SWAP70: variants seen among roughly 807,000 people sequenced by gnomAD.
SWAP70 encodes the protein switch-associated protein 70.
In SWAP70, 34 loss-of-function variants were observed where a neutral mutation model predicts 80.2. The observed-to-expected ratio is 0.42, with a 90% CI of 0.32 to 0.56. The LOEUF is 0.56. SWAP70 is among the 20% of genes least tolerant of loss of function. The pLI, the probability that SWAP70 is intolerant of heterozygous loss-of-function variation, is 0.09. For synonymous variants in SWAP70, 239 were observed against 238.5 expected (o/e 1.00, Z -0.02); for missense variants, 578 against 690.7 (o/e 0.84, Z 1.83).
At chr11:9,687,732 C>G (rs974695591) in intron 1 of SWAP70, among the ~76,000 whole-genome samples, 2 of 152,178 alleles carry the variant, frequency 1.3e-5, no homozygotes, top group African/African-American at 4.8e-5. Context: ...GTGTTCTGCT[C>G]TTACTGAATC....
At chr11:9,725,563 ATATAT>A (rs1851208601) in intron 4 of SWAP70, among the ~76,000 whole-genome samples, 1 of 16,832 alleles carries the variant, frequency 5.9e-5, no homozygotes, top group African/African-American at 2.9e-4. Flanking sequence ...ATATATATAT[ATATAT>A]ATTTTTTTTT....
At chr11:9,678,007 G>A (rs778720970) in intron 1 of SWAP70, among the ~76,000 whole-genome samples, 15 of 152,138 alleles carry the variant, frequency 9.9e-5, no homozygotes, top group Non-Finnish European at 1.8e-4. Context: ...AGTTACAAAG[G>A]TAATTCAGCC....
intron 4 of SWAP70, among the ~76,000 whole-genome samples, chr11:9,727,604 A>G (rs452169): frequency 0.33 from 49,731 of 151,854 alleles, 8,371 homozygotes; most frequent in Non-Finnish European, 0.35. Flanking sequence ...AGTATAATGA[A>G]CTCCCACATA....
chr11:9,732,963 CA>C (rs1387346933), intron 7 of SWAP70, among the ~76,000 whole-genome samples: 2 of 152,054 alleles, frequency 1.3e-5, no homozygotes, highest in Non-Finnish European at 1.5e-5. Flanking sequence ...TAATAATGAG[CA>C]CAGTTGAATT....
intron 2 of SWAP70, among the ~76,000 whole-genome samples, chr11:9,707,599 A>C (rs1464301134): frequency 2.1e-5 from 3 of 140,000 alleles, no homozygotes; most frequent in Non-Finnish European, 3.0e-5. Context: ...CCTGTCGCTC[A>C]GGCTGGAGTG....
chr11:9,672,607 C>G (rs532378890), intron 1 of SWAP70, among the ~76,000 whole-genome samples: 27 of 140,696 alleles, frequency 1.9e-4, no homozygotes, highest in African/African-American at 7.1e-4. Context: ...CTCCTGGGCT[C>G]AAGCAGTCCA....
At chr11:9,717,832 G>C (rs1246273806) in intron 3 of SWAP70, among the ~76,000 whole-genome samples, 2 of 141,156 alleles carry the variant, frequency 1.4e-5, no homozygotes, top group East Asian at 3.9e-4. Flanking sequence ...ACCTTGTCCT[G>C]ATTTCAGAAT....
intron 1 of SWAP70, among the ~76,000 whole-genome samples, chr11:9,666,677 A>G (rs565757282): frequency 3.6e-4 from 54 of 152,062 alleles, no homozygotes; most frequent in Middle Eastern, 3.4e-3. Context: ...TTAAGAGGAG[A>G]AGAAAATTTT....
intron 1 of SWAP70, among the ~76,000 whole-genome samples, chr11:9,692,738 T>C (rs2134446327): frequency 6.6e-6 from 1 of 152,306 alleles, no homozygotes; most frequent in African/African-American, 2.4e-5. Context: ...ACTAGGCTAA[T>C]ATAAATTAAA....
chr11:9,712,773 T>C (rs1851015201), intron 2 of SWAP70, among the ~76,000 whole-genome samples: 1 of 151,368 alleles, frequency 6.6e-6, no homozygotes, highest in Non-Finnish European at 1.5e-5. Context: ...AGTTTCGCTC[T>C]TGTTGCCCAG....
intron 2 of SWAP70, among the ~76,000 whole-genome samples, chr11:9,709,088 C>T (rs1274127103): frequency 6.6e-6 from 1 of 151,500 alleles, no homozygotes; most frequent in Non-Finnish European, 1.5e-5. Flanking sequence ...AAATGTTTTT[C>T]TTTAAAGACA....
chr11:9,700,736 G>A (rs1175028766), intron 2 of SWAP70, among the ~76,000 whole-genome samples: 1 of 152,124 alleles, frequency 6.6e-6, no homozygotes, highest in African/African-American at 2.4e-5. Context: ...TTTTTCCAAT[G>A]TCTCATATTT....
chr11:9,671,922 A>T (rs1419326601), intron 1 of SWAP70, among the ~76,000 whole-genome samples: 1 of 110,110 alleles, frequency 9.1e-6, no homozygotes, highest in Non-Finnish European at 1.6e-5. Context: ...TAATTATAAT[A>T]TAATTATATT....
At chr11:9,676,914 A>G (rs1372657432) in intron 1 of SWAP70, among the ~76,000 whole-genome samples, 2 of 152,018 alleles carry the variant, frequency 1.3e-5, no homozygotes, top group African/African-American at 4.8e-5. Flanking sequence ...CGGCCTCCCA[A>G]AGTGCTGGGA....
At chr11:9,705,342 T>C (rs1247436389) in intron 2 of SWAP70, among the ~76,000 whole-genome samples, 1 of 148,144 alleles carries the variant, frequency 6.8e-6, no homozygotes, top group Non-Finnish European at 1.5e-5. Context: ...TGGTGATCTG[T>C]ATACACTGGT....
chr11:9,725,570 T>TATATATATATATATA (rs1491328428), intron 4 of SWAP70, among the ~76,000 whole-genome samples: 6 of 13,798 alleles, frequency 4.3e-4, no homozygotes, highest in Non-Finnish European at 5.8e-4. Context: ...TATATATATA[T>TATATATATATATATA]TTTTTTTTTT....
At chr11:9,726,154 A>C (rs1270340539) in intron 4 of SWAP70, among the ~76,000 whole-genome samples, 1 of 152,176 alleles carries the variant, frequency 6.6e-6, no homozygotes, top group Non-Finnish European at 1.5e-5. Flanking sequence ...TAAAATCAGA[A>C]AAATACCTCT....
chr11:9,671,939 T>C (rs1237757033), intron 1 of SWAP70, among the ~76,000 whole-genome samples: 1 of 111,290 alleles, frequency 9.0e-6, no homozygotes, highest in Non-Finnish European at 1.6e-5. Context: ...TATTTTATAA[T>C]ATATTTTATA....
intron 2 of SWAP70, chr11:9,703,505 G>A (rs1850860266): frequency 2.2e-6 from 1 of 456,092 alleles, no homozygotes; most frequent in African/African-American, 2.0e-5. Context: ...TTTAGCTCTG[G>A]ACTTGATTGT....
Sources: allele counts gnomAD v4.1 joint callset (sites outside exome capture counted in the v4.1 genomes callset), GRCh38; gene constraint gnomAD v4.1.1; transcripts MANE v1.5; gene names NCBI Gene and HGNC (gene_info 2026-07-23, HGNC 2026-07-21).